Variants in NRXN3 observed in about 807,000 individuals in gnomAD.
The protein encoded by NRXN3 is neurexin III.
NRXN3 carries 32 observed loss-of-function variants against 137.6 expected under a neutral mutation model. The ratio of observed to expected loss-of-function variants is 0.23; its 90% confidence interval spans 0.18 to 0.31. The LOEUF (loss-of-function observed/expected upper bound fraction) is 0.31, where lower values mean the gene tolerates loss of function less well. Among genes scored for constraint, NRXN3 ranks in the 10% least tolerant of loss-of-function variants. NRXN3 has a pLI of 1.00. For synonymous variants in NRXN3, 798 were observed against 784.5 expected, an observed-to-expected ratio of 1.02 and a Z score of -0.29; for missense variants, 1,574 against 2,062.5, an observed-to-expected ratio of 0.76 and a Z score of 4.59.
rs544417193 is a variant in NRXN3 at position 79,529,033 on chromosome 14, C to T, written c.3444+61631C>T. ...AGCGCTTACCAGAGGACCATTCTCC[C>T]GCTGTAGCAGGACGAGCCGCAGACG... On this transcript the variant is annotated intron_variant, in intron 16 of 20. Coordinates refer to ENST00000335750, the MANE Select transcript of NRXN3 (RefSeq NM_001330195.2). 6.2e-4 allele frequency among the ~76,000 whole-genome samples: 95 copies of T among 152,190 alleles called. 2 individuals are homozygous for T. The South Asian group carries it at 0.018, about 29-fold the overall frequency.
chr14:79,656,714 G>T (rs2098508103), intron 16 of NRXN3, among the ~76,000 whole-genome samples: 2 of 151,514 alleles, frequency 1.3e-5, no homozygotes, highest in Non-Finnish European at 2.9e-5. Context: ...TCAGACTGTG[G>T]ATCTAATCCA....
chr14:79,711,822 G>T (rs568318167), intron 19 of NRXN3, among the ~76,000 whole-genome samples: 1 of 152,204 alleles, frequency 6.6e-6, no homozygotes, highest in South Asian at 2.1e-4. Flanking sequence ...TGATGGTGAA[G>T]GGTGGCCCAT....
At chr14:79,007,805 C>CAAAAAA (rs1160867331) in intron 15 of NRXN3, among the ~76,000 whole-genome samples, 9 of 37,942 alleles carry the variant, frequency 2.4e-4, no homozygotes, top group South Asian at 1.1e-3. Context: ...GACTCCATCT[C>CAAAAAA]AAAAAAAAAA....
At chr14:79,226,232 A>G (rs1297127385) in intron 15 of NRXN3, among the ~76,000 whole-genome samples, 2 of 152,216 alleles carry the variant, frequency 1.3e-5, no homozygotes, top group Non-Finnish European at 2.9e-5. Flanking sequence ...AAAACATAGC[A>G]AATGTCAATT....
intron 19 of NRXN3, among the ~76,000 whole-genome samples, chr14:79,717,526 T>G (rs2098827737): frequency 6.6e-6 from 1 of 152,240 alleles, no homozygotes; most frequent in South Asian, 2.1e-4. Context: ...TGCACTTTTT[T>G]TCCCCCTCTG....
At chr14:79,589,284 A>G (rs1337488960) in intron 16 of NRXN3, among the ~76,000 whole-genome samples, 1 of 152,096 alleles carries the variant, frequency 6.6e-6, no homozygotes, top group Admixed American at 6.6e-5. Flanking sequence ...TTGTTAAATC[A>G]TTATTGACTA....
In NRXN3 at chr14:78,902,833, A is replaced by G. The variant is rs972081254; in HGVS notation, c.2276-54409A>G. Reference sequence around the variant, plus strand: ...TAACATAGTTATATTCAGGAAATACATATATTAAATATTATATATATATGT... The same window carrying G: ...TAACATAGTTATATTCAGGAAATACGTATATTAAATATTATATATATATGT... On this transcript the variant is annotated intron_variant, in intron 10 of 20. Coordinates refer to ENST00000335750, the MANE Select transcript of NRXN3 (RefSeq NM_001330195.2). Among the ~76,000 whole-genome samples, 4 of 151,544 alleles carry G rather than the reference A, an allele frequency of 2.6e-5. No homozygotes were observed. The East Asian group carries it at 7.8e-4, about 30-fold the overall frequency.
intron 17 of NRXN3, among the ~76,000 whole-genome samples, chr14:79,669,442 G>GCTAA (rs553905458): frequency 5.5e-4 from 83 of 152,222 alleles, no homozygotes; most frequent in African/African-American, 1.8e-3. Flanking sequence ...TATTCACACT[G>GCTAA]CTAACTAGTC....
At chr14:78,422,502 G>A (rs1449723805) in intron 4 of NRXN3, among the ~76,000 whole-genome samples, 1 of 152,168 alleles carries the variant, frequency 6.6e-6, no homozygotes, top group East Asian at 1.9e-4. Context: ...GGTGGTTGGA[G>A]GGATCATGGT....
chr14:79,295,971 G>A lies in NRXN3; in HGVS notation c.3263-171250G>A, dbSNP rs2084036341. Among the ~76,000 whole-genome samples the A allele has an allele frequency of 2.6e-5, 4 of 152,076 alleles. No homozygotes were observed. In the South Asian group the frequency reaches 6.2e-4, roughly 24 times the overall value. ...CTACTGTTTTCCAGGCACTGTCCAG[G>A]GTGTCAGACTCTTAAACATACATCA... On this transcript the variant is annotated intron_variant, in intron 15 of 20. Transcript: ENST00000335750.
intron 15 of NRXN3, among the ~76,000 whole-genome samples, chr14:79,251,787 T>G (rs2075966185): frequency 6.6e-6 from 1 of 152,064 alleles, no homozygotes; most frequent in Non-Finnish European, 1.5e-5. Flanking sequence ...ACCCCCATTT[T>G]TCTCTCTTTT....
Position 79,450,679 on chromosome 14 carries a change from C to T in NRXN3, c.3263-16542C>T, listed in dbSNP as rs138603743. On this transcript the variant is annotated intron_variant, in intron 15 of 20. Transcript: ENST00000335750. ...TTTGAGACCAGCCTGGCCAACATGG[C>T]GAAAATATAAAAGTTATCTCTACTA... 2.8e-3 allele frequency among the ~76,000 whole-genome samples: 421 copies of T among 151,816 alleles called. 4 individuals are homozygous for T. The highest frequency in any genetic ancestry group is 9.7e-3 in the African/African-American group (400 of 41,428).
At chr14:79,284,343 CATATATATATATATATATAT>C (rs60596302) in intron 15 of NRXN3, among the ~76,000 whole-genome samples, 1,083 of 65,114 alleles carry the variant, frequency 0.017, 28 homozygotes, top group Non-Finnish European at 0.022. Context: ...ACTAAAAATA[CATATATATATATATATATAT>C]ATATATATAT....
chr14:78,334,803 A>G (rs894358923), intron 4 of NRXN3, among the ~76,000 whole-genome samples: 22 of 152,068 alleles, frequency 1.4e-4, no homozygotes, highest in African/African-American at 4.8e-4. Context: ...TGTTGGAGTA[A>G]GAGGGACACT....
chr14:78,876,904 T>C (rs1486442339), intron 10 of NRXN3, among the ~76,000 whole-genome samples: 1 of 152,182 alleles, frequency 6.6e-6, no homozygotes, highest in African/African-American at 2.4e-5. Flanking sequence ...GCGAGCTATA[T>C]TGTAAAAAAC....
chr14:78,527,885 T>C (rs1443669833), intron 4 of NRXN3, among the ~76,000 whole-genome samples: 1 of 152,208 alleles, frequency 6.6e-6, no homozygotes, highest in Non-Finnish European at 1.5e-5. Context: ...ATTTGCTTAT[T>C]TTCTTCCTCC....
intron 15 of NRXN3, among the ~76,000 whole-genome samples, chr14:79,358,574 A>AAG (rs1243508074): frequency 7.3e-6 from 1 of 136,652 alleles, no homozygotes; most frequent in Admixed American, 7.8e-5. Context: ...AAAAAAAAAA[A>AAG]GAAAGAAAGA....
At chr14:79,638,233 G>T (rs17109649) in intron 16 of NRXN3, among the ~76,000 whole-genome samples, 15,350 of 152,080 alleles carry the variant, frequency 0.1, 821 homozygotes, top group East Asian at 0.16. Context: ...TATGTAAATC[G>T]AACCTAATGC....
intron 19 of NRXN3, among the ~76,000 whole-genome samples, chr14:79,726,524 C>A (rs1169101671): frequency 6.6e-6 from 1 of 152,080 alleles, no homozygotes; most frequent in Non-Finnish European, 1.5e-5. Context: ...CATAGCGGTG[C>A]TCTTTTAATT....
Sources: allele counts gnomAD v4.1 joint callset (sites outside exome capture counted in the v4.1 genomes callset), GRCh38; gene constraint gnomAD v4.1.1; transcripts MANE v1.5; gene names NCBI Gene and HGNC (gene_info 2026-07-23, HGNC 2026-07-21).